The following TTL variants were observed in gnomAD, a reference collection of about 807,000 sequenced individuals.
The protein encoded by TTL is tubulin--tyrosine ligase.
TTL carries 10 observed loss-of-function variants against 41.1 expected under a neutral mutation model. The observed-to-expected ratio is 0.24, with a 90% CI of 0.15 to 0.41. TTL has a LOEUF of 0.41. TTL is among the 10% of genes least tolerant of loss of function. TTL has a pLI of 1.00. For synonymous variants in TTL, 175 were observed against 175.5 expected (o/e 1.00, Z 0.02); for missense variants, 367 against 460.4 (o/e 0.80, Z 1.86).
Position 112,509,557 on chromosome 2 carries a change from G to A in TTL, c.875+6376G>A, listed in dbSNP as rs543874123. On this transcript the variant is annotated intron_variant, in intron 5 of 6. Transcript: ENST00000233336. ...AGCCGGTCTGAAAAGCGCAATATTC[G>A]GGTGGGAGTGACCCGATTTTCCAGG... 3.9e-5 allele frequency among the ~76,000 whole-genome samples: 6 copies of A among 152,196 alleles called. No homozygotes were observed. The South Asian group carries it at 6.2e-4, about 16-fold the overall frequency.
intron 6 of TTL, among the ~76,000 whole-genome samples, chr2:112,526,309 G>A (rs1682371041): frequency 6.6e-6 from 1 of 152,210 alleles, no homozygotes; most frequent in Non-Finnish European, 1.5e-5. Flanking sequence ...CATAAAATGA[G>A]TTAGGGAGGA....
chr2:112,492,799 G>A (rs1176406051), intron 2 of TTL, among the ~76,000 whole-genome samples: 1 of 152,162 alleles, frequency 6.6e-6, no homozygotes, highest in African/African-American at 2.4e-5. Flanking sequence ...TCTGAGGTGG[G>A]AGAACGTTTT....
At position 112,530,049 on chromosome 2, in the gene TTL, C is replaced by G. The variant is rs1682470233; in HGVS notation, c.*1254C>G. On this transcript the variant is annotated 3_prime_UTR_variant, in exon 7 of 7. Coordinates refer to ENST00000233336, the MANE Select transcript of TTL (RefSeq NM_153712.5). ...GTTCAGTGTAAGCTGAGTAAACAGG[C>G]CCTTCCTAGAGTGTCCTGGAAATCA... 1 of 230,106 alleles carries G rather than the reference C, an allele frequency of 4.3e-6. No homozygotes were observed. Among genetic ancestry groups the G allele is most frequent in the Admixed American group, 5.7e-5 (1 of 17,676 alleles). The allele number at this position is 230,106 out of a possible 1,614,324, so 14.3% of individuals were successfully genotyped here. A position where few individuals can be genotyped will look rare whatever the true frequency, so the allele number is the denominator to read the frequency against.
At chr2:112,503,502 C>T (rs763070226) in intron 5 of TTL, among the ~76,000 whole-genome samples, 5 of 149,324 alleles carry the variant, frequency 3.3e-5, no homozygotes, top group African/African-American at 4.9e-5. Context: ...GGTGCGATCT[C>T]GGCTCACCAC....
At chr2:112,520,459 G>A (rs755425925) in intron 6 of TTL, 34 bp downstream of exon 6, 4 of 1,607,654 alleles carry the variant, frequency 2.5e-6, no homozygotes, top group Non-Finnish European at 3.4e-6. Flanking sequence ...TTTACAAGTG[G>A]GAAGTTGGTT....
intron 6 of TTL, among the ~76,000 whole-genome samples, chr2:112,521,873 T>C (rs1436030769): frequency 6.6e-6 from 1 of 152,188 alleles, no homozygotes; most frequent in Non-Finnish European, 1.5e-5. Context: ...TGGGAAGTGA[T>C]GTTGGAACTG....
intron 2 of TTL, among the ~76,000 whole-genome samples, chr2:112,487,784 A>ATCTT (rs1262100397): frequency 1.3e-5 from 2 of 152,164 alleles, no homozygotes; most frequent in East Asian, 3.9e-4. Context: ...ATCAGCTTCC[A>ATCTT]TCTTTGTCTC....
intron 5 of TTL, among the ~76,000 whole-genome samples, chr2:112,519,105 A>G (rs1356922468): frequency 1.3e-5 from 2 of 151,894 alleles, no homozygotes; most frequent in Middle Eastern, 3.2e-3. Flanking sequence ...GTTGGGTGAA[A>G]AATCAGGGAA....
In TTL at chr2:112,541,730, T is replaced by G. The variant is rs984383888; in HGVS notation, c.*12935T>G. 4.2e-6 allele frequency: 1 copy of G among 238,216 alleles called. No homozygotes were observed. The highest frequency in any genetic ancestry group is 2.3e-5 in the African/African-American group (1 of 43,894). 14.8% of individuals were successfully genotyped at this position (238,216 alleles called of 1,614,324 possible). A position where few individuals can be genotyped will look rare whatever the true frequency, so the allele number is the denominator to read the frequency against. On this transcript the variant is annotated 3_prime_UTR_variant, in exon 7 of 7. Coordinates refer to ENST00000233336, the MANE Select transcript of TTL (RefSeq NM_153712.5). ...CTGTTAAACACAAACACAATAAAGT[T>G]GAAAAACCAGCAGGCATTCCCTGAT...
At chr2:112,490,409 C>T (rs1333648027) in intron 2 of TTL, among the ~76,000 whole-genome samples, 1 of 151,882 alleles carries the variant, frequency 6.6e-6, no homozygotes, top group Non-Finnish European at 1.5e-5. Flanking sequence ...CAGAACCAAA[C>T]CCTGTCTCGG....
intron 5 of TTL, among the ~76,000 whole-genome samples, chr2:112,513,920 T>C (rs930352145): frequency 2.0e-5 from 3 of 152,118 alleles, no homozygotes; most frequent in Non-Finnish European, 4.4e-5. Flanking sequence ...GGTGGGTACA[T>C]GGGGAATAAT....
intron 3 of TTL, among the ~76,000 whole-genome samples, chr2:112,495,703 TG>T (rs1259428096): frequency 6.6e-6 from 1 of 151,922 alleles, no homozygotes; most frequent in Admixed American, 6.6e-5. Flanking sequence ...AAAAATTAGC[TG>T]GGTGTGGTGG....
rs558492397 is a variant in TTL, at chr2:112,531,280, G to T, written c.*2485G>T. On this transcript the variant is annotated 3_prime_UTR_variant, in exon 7 of 7. Transcript: ENST00000233336. ...CTTTTGGTCCATGTAAGTGCTACCC[G>T]TTGCTGGGGGAGGAGTCATGGTTTA... The T allele has an allele frequency of 4.4e-6, 1 of 226,970 alleles. No homozygotes were observed. The highest frequency in any genetic ancestry group is 8.8e-6 in the Non-Finnish European group (1 of 113,976). 14.1% of individuals were successfully genotyped at this position (226,970 alleles called of 1,614,324 possible).
intron 6 of TTL, among the ~76,000 whole-genome samples, chr2:112,525,466 T>C (rs1164233898): frequency 6.6e-6 from 1 of 152,186 alleles, no homozygotes; most frequent in Non-Finnish European, 1.5e-5. Context: ...TTTTATTTCG[T>C]TGAGCAGCGG....
In TTL at chr2:112,511,319, T is replaced by C. The variant is rs549861939; in HGVS notation, c.875+8138T>C. Among the ~76,000 whole-genome samples the C allele has an allele frequency of 5.5e-4, 83 of 151,836 alleles. No homozygotes were observed. The East Asian group carries it at 0.014, about 26-fold the overall frequency. Reference sequence around the variant, plus strand: ...CCACTGCACCTGGCCTTATTCTGCTTGTTCTATTTATTACTCTTGATCTTA... The same window carrying C: ...CCACTGCACCTGGCCTTATTCTGCTCGTTCTATTTATTACTCTTGATCTTA... On this transcript the variant is annotated intron_variant, in intron 5 of 6. Coordinates refer to ENST00000233336, the MANE Select transcript of TTL (RefSeq NM_153712.5).
chr2:112,522,792 C>T (rs1014601379), intron 6 of TTL, among the ~76,000 whole-genome samples: 1 of 152,168 alleles, frequency 6.6e-6, no homozygotes, highest in African/African-American at 2.4e-5. Flanking sequence ...TCCTGCCCAT[C>T]AGGGCCCTGT....
intron 3 of TTL, 72 bp downstream of exon 3, chr2:112,494,447 C>A: frequency 8.6e-7 from 1 of 1,165,200 alleles, no homozygotes; most frequent in East Asian, 2.4e-5. Flanking sequence ...ATGAATGACC[C>A]TATTTTAATC....
At chr2:112,511,346 C>T (rs180796972) in intron 5 of TTL, among the ~76,000 whole-genome samples, 2 of 151,550 alleles carry the variant, frequency 1.3e-5, no homozygotes, top group Non-Finnish European at 1.5e-5. Context: ...TTGATCTTAG[C>T]CAAAAGGCCG....
intron 1 of TTL, chr2:112,483,146 A>G (rs943616442): frequency 6.6e-6 from 1 of 152,340 alleles, no homozygotes. Flanking sequence ...GCAGTTCTGC[A>G]TTGGATTAAG....
Sources: gnomAD v4.1 joint callset for allele counts (sites outside exome capture counted in the v4.1 genomes callset) on GRCh38, gnomAD v4.1.1 for gene constraint, MANE v1.5 for transcripts, NCBI Gene and HGNC (gene_info 2026-07-23, HGNC 2026-07-21) for gene names.